Variants in PCDH7 observed in about 807,000 individuals in gnomAD.
PCDH7 encodes protocadherin 7.
PCDH7 carries 17 observed loss-of-function variants against 58.9 expected under a neutral mutation model. The ratio of observed to expected loss-of-function variants is 0.29; its 90% CI spans 0.20 to 0.43. The LOEUF is 0.43. Among genes scored for constraint, PCDH7 ranks in the 20% least tolerant of loss-of-function variants. The probability of loss-of-function intolerance (pLI) is 1.00; values close to 1 mark genes in which losing one functional copy is unlikely to be tolerated. For missense variants in PCDH7, 1,274 were observed against 1,441.0 expected (o/e 0.88, Z 1.88); for synonymous variants, 664 against 616.4 (o/e 1.08, Z -1.14).
Position 30,723,066 on chromosome 4 carries a change from C to T in PCDH7, c.1644C>T (p.Asn548=), listed in dbSNP as rs371070535. 1.7e-5 allele frequency: 28 copies of T among 1,613,790 alleles called. No homozygotes were observed. The Admixed American group carries it at 4.7e-4, about 27-fold the overall frequency. The change falls in exon 1 of 2, where the codon AAC becomes AAT. Residue 548 remains asparagine, a synonymous_variant. Transcript: ENST00000361762. The surrounding 1 kb of genome is among the most constrained non-coding windows in gnomAD (Gnocchi z 4.6). Reference sequence around the variant, plus strand: ...TGGAGGTTTACTTCCCTGAGAACAACATCCCGGGCGAGAGGGTGGCCACGG... The same window carrying T: ...TGGAGGTTTACTTCCCTGAGAACAATATCCCGGGCGAGAGGGTGGCCACGG...
intron 3 of PCDH7, among the ~76,000 whole-genome samples, chr4:31,131,160 G>A (rs1220998396): frequency 6.6e-6 from 1 of 152,124 alleles, no homozygotes; most frequent in Non-Finnish European, 1.5e-5. Context: ...TTGGCATGAG[G>A]GGATCTCCAG....
intron 3 of PCDH7, among the ~76,000 whole-genome samples, chr4:30,967,313 G>C (rs765348240): frequency 6.6e-6 from 1 of 152,180 alleles, no homozygotes; most frequent in African/African-American, 2.4e-5. Context: ...AATTATAAAA[G>C]AGCCTAATAG....
intron 1 of PCDH7, among the ~76,000 whole-genome samples, chr4:30,844,966 G>A (rs1396892248): frequency 6.6e-6 from 1 of 152,146 alleles, no homozygotes; most frequent in East Asian, 1.9e-4. Context: ...TGAATAAGAA[G>A]GGAGTTTTGT....
chr4:30,863,617 CA>C (rs773778310), intron 1 of PCDH7, among the ~76,000 whole-genome samples: 19 of 152,172 alleles, frequency 1.2e-4, no homozygotes, highest in Non-Finnish European at 2.2e-4. Context: ...AAAGCTGTTC[CA>C]TAAATATGGA....
intron 3 of PCDH7, among the ~76,000 whole-genome samples, chr4:30,950,417 G>C (rs895027099): frequency 6.6e-6 from 1 of 152,128 alleles, no homozygotes; most frequent in Non-Finnish European, 1.5e-5. Flanking sequence ...TCAATGTATA[G>C]AGTTTAGAAG....
chr4:31,052,724 T>G (rs180862886), intron 3 of PCDH7, among the ~76,000 whole-genome samples: 293 of 152,264 alleles, frequency 1.9e-3, no homozygotes, highest in African/African-American at 6.6e-3. Flanking sequence ...CAAGCTTTGT[T>G]TAATATGATG....
intron 1 of PCDH7, among the ~76,000 whole-genome samples, chr4:30,768,927 A>G (rs770511211): frequency 4.6e-5 from 7 of 152,192 alleles, no homozygotes; most frequent in Non-Finnish European, 5.9e-5. Context: ...CGAGGAGATG[A>G]TACTTTCAGG....
At chr4:30,889,889 C>G (rs1738386119) in intron 1 of PCDH7, among the ~76,000 whole-genome samples, 1 of 152,288 alleles carries the variant, frequency 6.6e-6, no homozygotes, top group African/African-American at 2.4e-5. Context: ...CAGCATCATA[C>G]TGGGCATTGC....
At chr4:30,958,802 C>A (rs1181924725) in intron 3 of PCDH7, among the ~76,000 whole-genome samples, 1 of 151,390 alleles carries the variant, frequency 6.6e-6, no homozygotes, top group East Asian at 1.9e-4. Context: ...GAAATAGTGA[C>A]CAGAAAAAAC....
At chr4:31,046,216 C>T (rs896532622) in intron 3 of PCDH7, among the ~76,000 whole-genome samples, 1 of 151,996 alleles carries the variant, frequency 6.6e-6, no homozygotes, top group Admixed American at 6.6e-5. Flanking sequence ...AACACCCCCA[C>T]TTAACCATAA....
intron 1 of PCDH7, among the ~76,000 whole-genome samples, chr4:30,785,437 C>T (rs138939792): frequency 6.6e-6 from 1 of 151,862 alleles, no homozygotes; most frequent in Non-Finnish European, 1.5e-5. Flanking sequence ...ATGTAAGTAG[C>T]CCAAATATTC....
chr4:30,995,469 G>A (rs755741276), intron 3 of PCDH7, among the ~76,000 whole-genome samples: 2 of 151,664 alleles, frequency 1.3e-5, no homozygotes, highest in Non-Finnish European at 2.9e-5. Flanking sequence ...TCGAGATCGT[G>A]CCACTGCACT....
At chr4:31,103,765 T>C (rs1053527190) in intron 3 of PCDH7, among the ~76,000 whole-genome samples, 2 of 152,200 alleles carry the variant, frequency 1.3e-5, no homozygotes, top group African/African-American at 4.8e-5. Flanking sequence ...CCTCCAATAA[T>C]GGATCTCATA....
At chr4:31,038,122 G>A (rs1258487283) in intron 3 of PCDH7, among the ~76,000 whole-genome samples, 3 of 152,090 alleles carry the variant, frequency 2.0e-5, no homozygotes, top group African/African-American at 7.3e-5. Context: ...AAAATAAATT[G>A]CACAATATGG....
At chr4:30,874,563 ATAGCCT>A (rs1736046754) in intron 1 of PCDH7, among the ~76,000 whole-genome samples, 1 of 151,182 alleles carries the variant, frequency 6.6e-6, no homozygotes, top group Non-Finnish European at 1.5e-5. Flanking sequence ...GGAGGGAGGG[ATAGCCT>A]TAGGAGATAT....
In PCDH7 at chr4:30,773,328, C is replaced by T. The variant is rs370202424; in HGVS notation, c.70+48732C>T. On this transcript the variant is annotated intron_variant, in intron 1 of 3. Coordinates refer to the PCDH7 transcript ENST00000509759. Reference sequence around the variant, plus strand: ...AAGATTTTACACTTGAAAGTGGTCTCCTTTCTGCAAGGTGTCAGCAATATA... The same window carrying T: ...AAGATTTTACACTTGAAAGTGGTCTTCTTTCTGCAAGGTGTCAGCAATATA... 4.7e-4 allele frequency among the ~76,000 whole-genome samples: 72 copies of T among 152,308 alleles called. 1 individual carries two copies. The highest frequency in any genetic ancestry group is 6.8e-3 in the Middle Eastern group (2 of 294).
At chr4:30,875,107 T>A (rs769042440) in intron 1 of PCDH7, among the ~76,000 whole-genome samples, 2 of 152,086 alleles carry the variant, frequency 1.3e-5, no homozygotes, top group Non-Finnish European at 2.9e-5. Context: ...CTAAACAACA[T>A]GAATTTATTT....
intron 3 of PCDH7, among the ~76,000 whole-genome samples, chr4:30,969,003 T>C (rs1205944260): frequency 2.6e-5 from 4 of 152,218 alleles, no homozygotes; most frequent in Non-Finnish European, 5.9e-5. Context: ...TTGTAATCTT[T>C]TCTTCCCCTT....
At chr4:31,083,194 A>T (rs966605938) in intron 3 of PCDH7, among the ~76,000 whole-genome samples, 3 of 152,132 alleles carry the variant, frequency 2.0e-5, no homozygotes, top group Non-Finnish European at 4.4e-5. Flanking sequence ...AAAATCTGAA[A>T]ATTCACCACT....
Sources: gnomAD v4.1 joint callset for allele counts (sites outside exome capture counted in the v4.1 genomes callset) on GRCh38, gnomAD v4.1.1 for gene constraint, Gnocchi (gnomAD v3.1) non-coding constraint, MANE v1.5 for transcripts, NCBI Gene and HGNC (gene_info 2026-07-23, HGNC 2026-07-21) for gene names.